LRP12: variants seen among roughly 807,000 people sequenced by gnomAD.
LRP12 encodes LDL receptor related protein 12, also known as low-density lipoprotein receptor-related protein 12.
In LRP12, 14 loss-of-function variants were observed where a neutral mutation model predicts 66.0. The ratio of observed to expected loss-of-function variants is 0.21; its 90% CI spans 0.14 to 0.33. The LOEUF (loss-of-function observed/expected upper bound fraction) is 0.33. Among genes scored for constraint, LRP12 ranks in the 10% least tolerant of loss-of-function variants. The pLI, the probability that LRP12 is intolerant of heterozygous loss-of-function variation, is 1.00. For missense variants in LRP12, 889 were observed against 1,053.4 expected, an observed-to-expected ratio of 0.84 and a Z score of 2.16; for synonymous variants, 357 against 359.1, an observed-to-expected ratio of 0.99 and a Z score of 0.07.
intron 4 of LRP12, among the ~76,000 whole-genome samples, chr8:104,498,926 C>A (rs1164263842): frequency 6.6e-6 from 1 of 152,102 alleles, no homozygotes; most frequent in Non-Finnish European, 1.5e-5. Context: ...TTTTCTGAGA[C>A]TATAAACTAT....
chr8:104,539,657 C>G (rs1270312292), intron 1 of LRP12, among the ~76,000 whole-genome samples: 2 of 151,782 alleles, frequency 1.3e-5, no homozygotes, highest in Non-Finnish European at 2.9e-5. Context: ...AATCTAGTAT[C>G]ACATATACAA....
At chr8:104,551,475 T>C (rs1248840911) in intron 1 of LRP12, among the ~76,000 whole-genome samples, 1 of 152,088 alleles carries the variant, frequency 6.6e-6, no homozygotes, top group East Asian at 1.9e-4. Context: ...ACCCAGATAG[T>C]GAGCATAGTA....
intron 3 of LRP12, among the ~76,000 whole-genome samples, chr8:104,500,371 A>G (rs545286388): frequency 1.8e-4 from 27 of 152,330 alleles, no homozygotes; most frequent in African/African-American, 6.5e-4. Flanking sequence ...AAGCTGATAG[A>G]CAATTTGATT....
At chr8:104,547,633 A>AAT (rs1257651341) in intron 1 of LRP12, among the ~76,000 whole-genome samples, 1 of 125,496 alleles carries the variant, frequency 8.0e-6, no homozygotes, top group Non-Finnish European at 1.6e-5. Flanking sequence ...ATATATAATA[A>AAT]ATATATATTA....
At chr8:104,532,808 C>T (rs1811345875) in intron 1 of LRP12, among the ~76,000 whole-genome samples, 1 of 152,122 alleles carries the variant, frequency 6.6e-6, no homozygotes, top group Admixed American at 6.6e-5. Flanking sequence ...CCCCAATGCA[C>T]TAAGCTGTAG....
At chr8:104,556,500 T>A (rs1413492580) in intron 1 of LRP12, among the ~76,000 whole-genome samples, 2 of 152,102 alleles carry the variant, frequency 1.3e-5, no homozygotes, top group Admixed American at 6.5e-5. Flanking sequence ...CATTCAAGGC[T>A]ACTACAAACA....
intron 2 of LRP12, among the ~76,000 whole-genome samples, chr8:104,527,932 C>G (rs1274284256): frequency 6.6e-6 from 1 of 152,158 alleles, no homozygotes; most frequent in Non-Finnish European, 1.5e-5. Context: ...TTACTCACCA[C>G]TTACTTCCAC....
At chr8:104,507,604 ATACT>A (rs901055131) in intron 3 of LRP12, 1 of 152,240 alleles carries the variant, frequency 6.6e-6, no homozygotes, top group African/African-American at 2.4e-5. Flanking sequence ...TTTTGTAAAC[ATACT>A]TAGTCACACT....
intron 1 of LRP12, among the ~76,000 whole-genome samples, chr8:104,585,252 A>G (rs570729769): frequency 6.6e-6 from 1 of 152,296 alleles, no homozygotes; most frequent in South Asian, 2.1e-4. Context: ...TTTGAGACAG[A>G]GTTTCACTCG....
At chr8:104,551,594 C>T (rs1427855003) in intron 1 of LRP12, among the ~76,000 whole-genome samples, 1 of 152,124 alleles carries the variant, frequency 6.6e-6, no homozygotes, top group Admixed American at 6.5e-5. Context: ...CCCACTTAAA[C>T]GTGAGAATAT....
In LRP12 at chr8:104,490,841, T is replaced by A. The variant is rs771157631; in HGVS notation, c.2412A>T (p.Gln804His). ...TTGCATTATATGGTTGTCTAAGCCC[T>A]TGTCCTTGATCTGAGGCAAGATCAA... is the stretch of plus-strand genomic sequence containing the variant. Reference protein sequence around the residue: ...PLLDLASDQGQGLRQPYNATN... With the variant: ...PLLDLASDQGHGLRQPYNATN... Residue 804 changes from glutamine (Q) to histidine (H), a missense_variant, in exon 7 of 7, where the codon CAA (glutamine) becomes CAT (histidine). This residue lies in a region of LRP12 where 800 missense variants were observed against 964.5 expected (regional missense o/e 0.83). Coordinates refer to ENST00000276654, the MANE Select transcript of LRP12 (RefSeq NM_013437.5). 11 of 1,614,020 alleles carry A rather than the reference T, an allele frequency of 6.8e-6. No individual in the cohort carries two copies. The South Asian group carries it at 1.2e-4, about 18-fold the overall frequency.
At chr8:104,542,004 T>A (rs919420769) in intron 1 of LRP12, among the ~76,000 whole-genome samples, 2 of 152,226 alleles carry the variant, frequency 1.3e-5, no homozygotes, top group Non-Finnish European at 2.9e-5. Context: ...CAATTATCTT[T>A]AGTATGTAGA....
rs1564141312 is a variant in LRP12, at chr8:104,547,450, T to TAATATATAATTCTGTTATATTTTGTATAC, written c.80-15516_80-15488dup. ...ATACAATTCTGTTATATTTTGTATA[T>TAATATATAATTCTGTTATATTTTGTATAC]AATATATAATTCTGTTATATTTTGT... On this transcript the variant is annotated intron_variant, in intron 1 of 6. Coordinates refer to ENST00000276654, the MANE Select transcript of LRP12 (RefSeq NM_013437.5). Among the ~76,000 whole-genome samples the TAATATATAATTCTGTTATATTTTGTATAC allele has an allele frequency of 6.0e-5, 8 of 132,770 alleles. No homozygotes were observed. The South Asian group carries it at 7.1e-4, about 12-fold the overall frequency. The allele number at this position is 132,770 out of a possible 152,430, so 87.1% of individuals were successfully genotyped here.
At chr8:104,523,352 A>G (rs1811178975) in intron 2 of LRP12, among the ~76,000 whole-genome samples, 1 of 152,226 alleles carries the variant, frequency 6.6e-6, no homozygotes, top group South Asian at 2.1e-4. Context: ...AAAGAGTTAG[A>G]ATTTATCAAA....
intron 1 of LRP12, among the ~76,000 whole-genome samples, chr8:104,561,911 A>G (rs1411790610): frequency 2.0e-5 from 3 of 152,048 alleles, no homozygotes; most frequent in African/African-American, 7.2e-5. Context: ...CATTCATCCA[A>G]TGACCCTTGG....
chr8:104,497,829 C>G lies in LRP12; in HGVS notation c.723G>C (p.Gly241=), dbSNP rs539420600. 4.3e-6 allele frequency: 7 copies of G among 1,614,166 alleles called. No homozygotes were observed. The African/African-American group carries it at 8.0e-5, about 18-fold the overall frequency. The change falls in exon 5 of 7, where the codon GGG becomes GGC. Residue 241 remains glycine (G), a synonymous_variant. Coordinates refer to ENST00000276654, the MANE Select transcript of LRP12 (RefSeq NM_013437.5). This position sits in a 1 kb window ranked among gnomAD's most constrained non-coding sequence, Gnocchi z 4.3. ...TCLPESLKCD[G]NIDCLDLGDE... Reference sequence around the variant, plus strand: ...CTCCTAGGTCAAGGCAGTCAATGTTCCCATCACATTTTAAAGATTCGGGGA... The same window carrying G: ...CTCCTAGGTCAAGGCAGTCAATGTTGCCATCACATTTTAAAGATTCGGGGA...
At chr8:104,564,141 A>T (rs925421885) in intron 1 of LRP12, among the ~76,000 whole-genome samples, 3 of 152,044 alleles carry the variant, frequency 2.0e-5, no homozygotes, top group African/African-American at 7.2e-5. Flanking sequence ...ATTTTTTTTT[A>T]AAAGTGCTGT....
At chr8:104,578,548 T>A (rs1191915230) in intron 1 of LRP12, among the ~76,000 whole-genome samples, 1 of 152,100 alleles carries the variant, frequency 6.6e-6, no homozygotes, top group Non-Finnish European at 1.5e-5. Context: ...GAGGTCAGCA[T>A]CATCCTGATA....
At chr8:104,541,303 C>G (rs1221541113) in intron 1 of LRP12, among the ~76,000 whole-genome samples, 3 of 152,154 alleles carry the variant, frequency 2.0e-5, no homozygotes, top group Admixed American at 2.0e-4. Context: ...TGAAAATCAC[C>G]TTCTCTATTC....
Sources: allele counts gnomAD v4.1 joint callset (sites outside exome capture counted in the v4.1 genomes callset), GRCh38; gene constraint gnomAD v4.1.1; regional missense constraint gnomAD v4.1.1; non-coding constraint Gnocchi (gnomAD v3.1); transcripts MANE v1.5; gene names NCBI Gene and HGNC (gene_info 2026-07-23, HGNC 2026-07-21).